Variants in BDKRB1 observed in about 807,000 individuals in gnomAD.
BDKRB1 encodes B1 bradykinin receptor.
For synonymous variants in BDKRB1, 192 were observed against 189.1 expected (o/e 1.02, Z -0.13); for missense variants, 414 against 441.4 (o/e 0.94, Z 0.56).
In BDKRB1 at chr14:96,263,982, G is replaced by GT. The variant is rs752550160; in HGVS notation, c.303dup (p.Asn102Ter). The GT allele has an allele frequency of 6.2e-7, 1 of 1,614,248 alleles. No homozygotes were observed. The highest frequency in any genetic ancestry group is 8.5e-7 in the Non-Finnish European group (1 of 1,180,044). ...TCTGGGCAGAGAATATCTGGAACCA[G>GT]TTTAACTGGCCTTTCGGAGCCCTCC... On this transcript the variant is annotated frameshift_variant, in exon 3 of 3. Coordinates refer to ENST00000216629, the MANE Select transcript of BDKRB1 (RefSeq NM_000710.4). LOFTEE classifies it low-confidence loss of function (END_TRUNC).
In BDKRB1 at chr14:96,264,736, C is replaced by T. The variant is rs140613086; in HGVS notation, c.1054C>T (p.Arg352Trp). The T allele has an allele frequency of 5.5e-4, 880 of 1,606,660 alleles. 1 individual carries two copies. The highest frequency in any genetic ancestry group is 2.2e-3 in the Admixed American group (131 of 58,522). The part of the protein sequence containing the change: ...HRKEIFQLFW[R>W]N ...GAAAGAAATCTTCCAACTTTTCTGG[C>T]GGAATTAAAACAGCATTGAACCAAG... The change falls in exon 3 of 3, where the codon CGG becomes TGG. Residue 352 changes from arginine (R) to tryptophan (W), a missense_variant. Transcript: ENST00000216629.
chr14:96,262,192 A>G (rs1239045362), intron 1 of BDKRB1, among the ~76,000 whole-genome samples: 1 of 152,158 alleles, frequency 6.6e-6, no homozygotes, highest in Admixed American at 6.5e-5. Flanking sequence ...TAGCACTGTA[A>G]CCACCACCTA....
At chr14:96,262,606 C>CCTTTTTTTTTTTTTTTTTTTTTTTTTTTT in intron 1 of BDKRB1, 46 bp from the exon 2 acceptor site, 1 of 308,810 alleles carries the variant, frequency 3.2e-6, no homozygotes, top group Non-Finnish European at 5.8e-6. Flanking sequence ...TCTCTCTCTC[C>CCTTTTTTTTTTTTTTTTTTTTTTTTTTTT]TTTTTTTTTT....
intron 1 of BDKRB1, among the ~76,000 whole-genome samples, chr14:96,258,546 G>A (rs961639255): frequency 3.3e-5 from 5 of 152,142 alleles, no homozygotes; most frequent in African/African-American, 9.7e-5. Context: ...ATTTTCACAG[G>A]TGCTGTCTTT....
Position 96,263,728 on chromosome 14 carries a change from A to C in BDKRB1, c.46A>C (p.Ser16Arg), listed in dbSNP as rs528094974. The C allele has an allele frequency of 1.2e-6, 2 of 1,614,194 alleles. No individual in the cohort carries two copies. Among genetic ancestry groups the C allele is most frequent in the African/African-American group, 1.3e-5 (1 of 75,044 alleles). The stretch of plus-strand genomic sequence containing the variant: ...TCTAGAGCTCCAATCCTCCAACCAG[A>C]GCCAGCTCTTCCCTCAAAATGCTAC... The part of the protein sequence containing the change: ...PPLELQSSNQ[S>R]QLFPQNATAC... The change falls in exon 3 of 3, where the codon AGC becomes CGC. Residue 16 changes from serine (S) to arginine (R), a missense_variant. Physicochemically the swap from Ser to Arg is moderately radical, Grantham distance 110 (BLOSUM62 -1). Transcript: ENST00000216629.
In BDKRB1 at chr14:96,263,902, A is replaced by G; in HGVS notation, c.220A>G (p.Ile74Val). 1 of 1,614,188 alleles carries G rather than the reference A, an allele frequency of 6.2e-7. No homozygotes were observed. Residue 74 changes from isoleucine (I) to valine (V), a missense_variant, in exon 3 of 3, where the codon ATC becomes GTC. Coordinates refer to ENST00000216629, the MANE Select transcript of BDKRB1 (RefSeq NM_000710.4). Reference sequence around the variant, plus strand: ...CCGGCGGCAACTGAACGTGGCAGAAATCTACCTGGCCAACCTGGCAGCCTC... The same window carrying G: ...CCGGCGGCAACTGAACGTGGCAGAAGTCTACCTGGCCAACCTGGCAGCCTC... ...LPRRQLNVAE[I>V]YLANLAASDL...
chr14:96,256,936 A>G (rs1885629822), intron 1 of BDKRB1, among the ~76,000 whole-genome samples: 1 of 152,256 alleles, frequency 6.6e-6, no homozygotes, highest in South Asian at 2.1e-4. Context: ...CAGAATTGCC[A>G]TCTCTTGTAG....
intron 1 of BDKRB1, among the ~76,000 whole-genome samples, chr14:96,258,952 A>AT (rs1284814039): frequency 6.6e-6 from 1 of 151,734 alleles, no homozygotes; most frequent in Non-Finnish European, 1.5e-5. Context: ...ATTTCATCTC[A>AT]TTTCATACAG....
chr14:96,259,581 A>C (rs1285869238), intron 1 of BDKRB1: 1 of 152,634 alleles, frequency 6.6e-6, no homozygotes, highest in Non-Finnish European at 1.5e-5. Context: ...GCTGGACTCC[A>C]CCACAATTTG....
intron 1 of BDKRB1, among the ~76,000 whole-genome samples, chr14:96,261,075 C>G (rs1182860617): frequency 1.3e-5 from 2 of 152,132 alleles, no homozygotes; most frequent in East Asian, 3.9e-4. Context: ...GTCCAAAAAC[C>G]TTGGCATTGT....
intron 2 of BDKRB1, among the ~76,000 whole-genome samples, chr14:96,263,170 T>A (rs950654314): frequency 1.3e-5 from 2 of 152,132 alleles, no homozygotes; most frequent in African/African-American, 4.8e-5. Flanking sequence ...ATTAAATGCC[T>A]GTTAAAACCC....
intron 1 of BDKRB1, among the ~76,000 whole-genome samples, chr14:96,258,942 A>G (rs1399043766): frequency 2.0e-5 from 3 of 152,096 alleles, no homozygotes; most frequent in Non-Finnish European, 2.9e-5. Context: ...GGCTTTCTCA[A>G]TTTCATCTCA....
At chr14:96,261,448 C>G (rs1359515066) in intron 1 of BDKRB1, among the ~76,000 whole-genome samples, 6 of 152,220 alleles carry the variant, frequency 3.9e-5, no homozygotes, top group Admixed American at 3.9e-4. Context: ...AGTGACATGA[C>G]AGAATGTCAG....
intron 1 of BDKRB1, among the ~76,000 whole-genome samples, chr14:96,261,932 G>T (rs1885759557): frequency 6.6e-6 from 1 of 152,254 alleles, no homozygotes; most frequent in South Asian, 2.1e-4. Context: ...GCAGAGGGCT[G>T]GGAGATGCAG....
chr14:96,259,002 C>T (rs2139812488), intron 1 of BDKRB1, among the ~76,000 whole-genome samples: 1 of 152,038 alleles, frequency 6.6e-6, no homozygotes, highest in East Asian at 1.9e-4. Context: ...TTCCCACAAG[C>T]TGAAATGTTC....
At position 96,263,817 on chromosome 14, in the gene BDKRB1, C is replaced by T; in HGVS notation, c.135C>T (p.Ile45=). Residue 45 remains isoleucine (I), a synonymous_variant, in exon 3 of 3, where the codon ATC becomes ATT. Coordinates refer to ENST00000216629, the MANE Select transcript of BDKRB1 (RefSeq NM_000710.4). ...ACAGAGTGCTGCCAACATTTATCAT[C>T]TCCATCTGTTTCTTCGGCCTCCTAG... ...LLHRVLPTFI[I]SICFFGLLGN... 1 of 1,614,210 alleles carries T rather than the reference C, an allele frequency of 6.2e-7. No homozygotes were observed. The highest frequency in any genetic ancestry group is 1.1e-5 in the South Asian group (1 of 91,090).
At chr14:96,257,916 G>A (rs1040671145) in intron 1 of BDKRB1, among the ~76,000 whole-genome samples, 4 of 150,418 alleles carry the variant, frequency 2.7e-5, no homozygotes, top group Non-Finnish European at 5.9e-5. Context: ...TGGGAGGGAG[G>A]GAAGAAGGGA....
chr14:96,256,830 T>C (rs1158800961), intron 1 of BDKRB1, among the ~76,000 whole-genome samples: 17 of 152,220 alleles, frequency 1.1e-4, no homozygotes, highest in Admixed American at 1.1e-3. Context: ...AAATTGGAGT[T>C]AATTTGAAGA....
intron 1 of BDKRB1, among the ~76,000 whole-genome samples, chr14:96,260,785 C>T (rs1464529529): frequency 6.6e-6 from 1 of 152,320 alleles, no homozygotes; most frequent in South Asian, 2.1e-4. Flanking sequence ...TATCTACTCT[C>T]TCCCTTGGTG....
Sources: gnomAD v4.1 joint callset for allele counts (sites outside exome capture counted in the v4.1 genomes callset) on GRCh38, gnomAD v4.1.1 for gene constraint, MANE v1.5 for transcripts, NCBI Gene and HGNC (gene_info 2026-07-23, HGNC 2026-07-21) for gene names.